Variants in PCOLCE2 observed in about 807,000 individuals in gnomAD.
PCOLCE2 encodes procollagen C-endopeptidase enhancer 2.
In PCOLCE2, 42 loss-of-function variants were observed where a neutral mutation model predicts 47.0. That is an observed-to-expected ratio of 0.89 (90% CI 0.70 to 1.16). The LOEUF is 1.16. PCOLCE2 is among the 50% of genes most tolerant of loss of function. The pLI is 0.00. For missense variants in PCOLCE2, 500 were observed against 526.1 expected (o/e 0.95, Z 0.49); for synonymous variants, 169 against 191.7 (o/e 0.88, Z 0.98).
At chr3:142,876,474 A>G (rs1335889826) in intron 2 of PCOLCE2, among the ~76,000 whole-genome samples, 1 of 152,182 alleles carries the variant, frequency 6.6e-6, no homozygotes, top group Non-Finnish European at 1.5e-5. Flanking sequence ...CTGCTGCACA[A>G]CAAACCACCC....
chr3:142,871,089 T>C (rs1933379321), intron 2 of PCOLCE2, among the ~76,000 whole-genome samples: 1 of 152,234 alleles, frequency 6.6e-6, no homozygotes, highest in South Asian at 2.1e-4. Context: ...GTACAGTTGA[T>C]TGCATCTTCA....
At chr3:142,883,740 T>C (rs1933670125) in intron 2 of PCOLCE2, among the ~76,000 whole-genome samples, 1 of 152,064 alleles carries the variant, frequency 6.6e-6, no homozygotes, top group African/African-American at 2.4e-5. Context: ...ATCATCAATA[T>C]GTATCTCTAA....
At chr3:142,863,096 C>CAAAAAAAAAAA (rs35383176) in intron 2 of PCOLCE2, among the ~76,000 whole-genome samples, 2 of 85,994 alleles carry the variant, frequency 2.3e-5, no homozygotes, top group African/African-American at 4.4e-5. Context: ...GTCTGGCAGG[C>CAAAAAAAAAAA]AAAAAAAAAA....
intron 2 of PCOLCE2, among the ~76,000 whole-genome samples, chr3:142,855,274 A>G (rs943419499): frequency 6.6e-6 from 1 of 152,198 alleles, no homozygotes; most frequent in Admixed American, 6.5e-5. Context: ...AGTTTGTCCA[A>G]TGCTTTGGCT....
At chr3:142,871,705 A>C (rs1933388631) in intron 2 of PCOLCE2, among the ~76,000 whole-genome samples, 1 of 152,178 alleles carries the variant, frequency 6.6e-6, no homozygotes, top group Admixed American at 6.5e-5. Context: ...CAGCCTGCTG[A>C]CTTGCACTAC....
Position 142,842,785 on chromosome 3 carries a change from G to T in PCOLCE2, c.573+139C>A. On this transcript the variant is annotated intron_variant, in intron 4 of 8. Coordinates refer to ENST00000295992, the MANE Select transcript of PCOLCE2 (RefSeq NM_013363.4). The surrounding 1 kb of genome is among the most constrained non-coding windows in gnomAD (Gnocchi z 4.1). ...GGGGTCTTCGCATGAAGAAATACCTGTGTCCAGGAACCTTCCTCTTCTTGT... is the reference window on the plus strand; with the variant it reads ...GGGGTCTTCGCATGAAGAAATACCTTTGTCCAGGAACCTTCCTCTTCTTGT... The T allele has an allele frequency of 1.3e-6, 1 of 754,460 alleles. No individual in the cohort carries two copies. Among genetic ancestry groups the T allele is most frequent in the Non-Finnish European group, 2.2e-6 (1 of 458,992 alleles). The allele number at this position is 754,460 out of a possible 1,614,324, so 46.7% of individuals were successfully genotyped here. A position where few individuals can be genotyped will look rare whatever the true frequency, so the allele number is the denominator to read the frequency against.
At position 142,823,816 on chromosome 3, in the gene PCOLCE2, C is replaced by T. The variant is rs536955283; in HGVS notation, c.866-201G>A. 2.6e-5 allele frequency among the ~76,000 whole-genome samples: 4 copies of T among 152,290 alleles called. No individual in the cohort carries two copies. In the South Asian group the frequency reaches 8.3e-4, roughly 32 times the overall value. ...CTAATTTCACCAGGACAACTCAATACCCTCTATTGAATTTTAAACCTGAGT... is the reference window on the plus strand; with the variant it reads ...CTAATTTCACCAGGACAACTCAATATCCTCTATTGAATTTTAAACCTGAGT... On this transcript the variant is annotated intron_variant, in intron 6 of 8. Coordinates refer to ENST00000295992, the MANE Select transcript of PCOLCE2 (RefSeq NM_013363.4).
chr3:142,842,739 CAA>C lies in PCOLCE2; in HGVS notation c.573+183_573+184del, dbSNP rs150459672. On this transcript the variant is annotated intron_variant, in intron 4 of 8. Coordinates refer to ENST00000295992, the MANE Select transcript of PCOLCE2 (RefSeq NM_013363.4). The surrounding 1 kb of genome is among the most constrained non-coding windows in gnomAD (Gnocchi z 4.1). ...GGGCGACAAGAGCGAAACTCTGTCTCAAAAAAAAAAAAAAATATCTGGGGTCT... is the reference window on the plus strand; with the variant it reads ...GGGCGACAAGAGCGAAACTCTGTCTCAAAAAAAAAAAAATATCTGGGGTCT... 1.1e-4 allele frequency among the ~76,000 whole-genome samples: 15 copies of C among 135,386 alleles called. No individual in the cohort carries two copies. Among genetic ancestry groups the C allele is most frequent in the Admixed American group, 2.2e-4 (3 of 13,394 alleles). The allele number at this position is 135,386 out of a possible 152,430, so 88.8% of individuals were successfully genotyped here.
intron 2 of PCOLCE2, among the ~76,000 whole-genome samples, chr3:142,877,383 T>C (rs549021838): frequency 9.8e-5 from 15 of 152,310 alleles, no homozygotes; most frequent in Non-Finnish European, 1.8e-4. Context: ...ATGCTCCAAA[T>C]GGATTACCAA....
Position 142,888,930 on chromosome 3 carries a change from G to A in PCOLCE2, c.-34C>T. The A allele has an allele frequency of 8.0e-7, 1 of 1,246,886 alleles. No homozygotes were observed. The highest frequency in any genetic ancestry group is 1.6e-5 in the African/African-American group (1 of 63,338). 77.2% of individuals were successfully genotyped at this position (1,246,886 alleles called of 1,614,324 possible). On this transcript the variant is annotated 5_prime_UTR_variant, in exon 1 of 9. Coordinates refer to ENST00000295992, the MANE Select transcript of PCOLCE2 (RefSeq NM_013363.4). The stretch of plus-strand genomic sequence containing the variant: ...AGACGCTCGGGGTTTGCACCCCACG[G>A]CGCGCGCGCCGGCACACACGCCCCT...
At chr3:142,841,663 T>C (rs1195084324) in intron 4 of PCOLCE2, among the ~76,000 whole-genome samples, 1 of 152,204 alleles carries the variant, frequency 6.6e-6, no homozygotes, top group Non-Finnish European at 1.5e-5. Context: ...TGATCACTGT[T>C]TATGTCTGTA....
intron 2 of PCOLCE2, among the ~76,000 whole-genome samples, chr3:142,869,152 G>A (rs867690924): frequency 5.9e-5 from 9 of 152,152 alleles, no homozygotes; most frequent in East Asian, 1.9e-4. Flanking sequence ...TTAGCCGGGC[G>A]TGGTGGCGGG....
At chr3:142,881,125 C>T (rs1390681150) in intron 2 of PCOLCE2, among the ~76,000 whole-genome samples, 2 of 152,170 alleles carry the variant, frequency 1.3e-5, no homozygotes, top group Non-Finnish European at 2.9e-5. Context: ...TCTACCCCCA[C>T]AGTCCAGTGC....
intron 2 of PCOLCE2, among the ~76,000 whole-genome samples, chr3:142,855,340 T>TA (rs11446532): frequency 0.61 from 92,037 of 151,440 alleles, 28,365 homozygotes; most frequent in Non-Finnish European, 0.66. Flanking sequence ...CTTATAATCT[T>TA]AAAATAATAG....
intron 4 of PCOLCE2, among the ~76,000 whole-genome samples, chr3:142,841,853 T>C (rs1937266927): frequency 6.6e-6 from 1 of 152,206 alleles, no homozygotes; most frequent in African/African-American, 2.4e-5. Flanking sequence ...TTAAAGTCTA[T>C]AGTGTTTCTA....
chr3:142,868,496 G>A (rs950725276), intron 2 of PCOLCE2, among the ~76,000 whole-genome samples: 1 of 151,702 alleles, frequency 6.6e-6, no homozygotes, highest in Admixed American at 6.6e-5. Context: ...CAACCTTTTG[G>A]GATTACCTGC....
intron 2 of PCOLCE2, among the ~76,000 whole-genome samples, chr3:142,875,308 T>C (rs987026292): frequency 1.3e-5 from 2 of 152,134 alleles, no homozygotes; most frequent in African/African-American, 4.8e-5. Context: ...ATGCCAGTTG[T>C]TTGGGAGCAA....
At chr3:142,880,927 T>C (rs1560142664) in intron 2 of PCOLCE2, among the ~76,000 whole-genome samples, 1 of 152,348 alleles carries the variant, frequency 6.6e-6, no homozygotes, top group East Asian at 1.9e-4. Flanking sequence ...TATTTTTATC[T>C]TAACTAATCT....
intron 2 of PCOLCE2, among the ~76,000 whole-genome samples, chr3:142,867,891 G>C (rs1364691538): frequency 1.3e-5 from 2 of 152,174 alleles, no homozygotes; most frequent in African/African-American, 4.8e-5. Context: ...AAAGGAGCTA[G>C]GGCAGAATTG....
Sources: gnomAD v4.1 joint callset for allele counts (sites outside exome capture counted in the v4.1 genomes callset) on GRCh38, gnomAD v4.1.1 for gene constraint, Gnocchi (gnomAD v3.1) non-coding constraint, MANE v1.5 for transcripts, NCBI Gene and HGNC (gene_info 2026-07-23, HGNC 2026-07-21) for gene names.